LGI1: variants seen among roughly 807,000 people sequenced by gnomAD.
LGI1 encodes the protein leucine rich glioma inactivated 1.
LGI1 carries 11 observed loss-of-function variants against 57.7 expected under a neutral mutation model. That is an observed-to-expected ratio of 0.19 (90% CI 0.12 to 0.32). The LOEUF is 0.32. Ranked by LOEUF, LGI1 falls within the 10% of genes least tolerant of loss-of-function variation. LGI1 has a pLI of 1.00. For missense variants in LGI1, 422 were observed against 661.9 expected, an observed-to-expected ratio of 0.64 and a Z score of 3.98; for synonymous variants, 222 against 241.9, an observed-to-expected ratio of 0.92 and a Z score of 0.76.
chr10:93,770,212 G>A (rs1288733212), intron 2 of LGI1: 2 of 152,160 alleles, frequency 1.3e-5, no homozygotes, highest in Admixed American at 6.5e-5. Context: ...TAGTCTCCTC[G>A]CTTTACAACA....
rs116649635 is a variant in LGI1, at chr10:93,766,196, G to A, written c.287+7365G>A. 4.7e-3 allele frequency among the ~76,000 whole-genome samples: 723 copies of A among 152,234 alleles called. 7 individuals are homozygous for A. Among genetic ancestry groups the A allele is most frequent in the African/African-American group, 0.016 (674 of 41,520 alleles). On this transcript the variant is annotated intron_variant, in intron 2 of 7. Coordinates refer to ENST00000371418, the MANE Select transcript of LGI1 (RefSeq NM_005097.4). Reference sequence around the variant, plus strand: ...AATGATGTTTCAGTATCCCTCTCATGGAGCAAGGATTGGAAAAAAATTGTT... The same window carrying A: ...AATGATGTTTCAGTATCCCTCTCATAGAGCAAGGATTGGAAAAAAATTGTT...
chr10:93,775,797 G>C (rs1011116220), intron 2 of LGI1, among the ~76,000 whole-genome samples: 2 of 152,204 alleles, frequency 1.3e-5, no homozygotes, highest in Non-Finnish European at 2.9e-5. Context: ...AATATGAGAA[G>C]TCCCTGGTCC....
At chr10:93,769,140 A>C (rs558441911) in intron 2 of LGI1, 1 of 152,354 alleles carries the variant, frequency 6.6e-6, no homozygotes, top group Non-Finnish European at 1.5e-5. Context: ...ATTATCATTT[A>C]ACCAGCCCTA....
chr10:93,794,019 C>CTTTTTTTTTTTTTTTTTTTTTTTTTT (rs5787082), intron 7 of LGI1: 2 of 87,814 alleles, frequency 2.3e-5, no homozygotes, highest in Non-Finnish European at 4.6e-5. Context: ...CTTTTTTTTT[C>CTTTTTTTTTTTTTTTTTTTTTTTTTT]TTTTTTTTTT....
Position 93,765,429 on chromosome 10 carries a change from C to G in LGI1, c.287+6598C>G, listed in dbSNP as rs193101203. ...AGAAGACATGTCTTACCTAAAAATC[C>G]TCTGCTCCAACTGACTATTGCTGAT... On this transcript the variant is annotated intron_variant, in intron 2 of 7. Coordinates refer to ENST00000371418, the MANE Select transcript of LGI1 (RefSeq NM_005097.4). The G allele has an allele frequency of 3.9e-5, 6 of 152,282 alleles. No homozygotes were observed. In the East Asian group the frequency reaches 1.2e-3, roughly 29 times the overall value. The allele number at this position is 152,282 out of a possible 1,614,324, so 9.4% of individuals were successfully genotyped here.
At chr10:93,790,960 TA>T (rs2059933159) in intron 5 of LGI1, 1 of 152,218 alleles carries the variant, frequency 6.6e-6, no homozygotes, top group Non-Finnish European at 1.5e-5. Context: ...AAAGCTTTTT[TA>T]AAAAATTATT....
intron 4 of LGI1, among the ~76,000 whole-genome samples, chr10:93,779,425 C>G (rs1318431684): frequency 1.4e-5 from 1 of 71,076 alleles, no homozygotes; most frequent in East Asian, 4.6e-4. Flanking sequence ...AGGGAGGGAG[C>G]GAGGGAGGGA....
At chr10:93,761,391 C>G (rs574742762) in intron 2 of LGI1, among the ~76,000 whole-genome samples, 1 of 152,286 alleles carries the variant, frequency 6.6e-6, no homozygotes, top group African/African-American at 2.4e-5. Flanking sequence ...AGAATCAATT[C>G]GGCTTGATTG....
At chr10:93,774,994 C>T (rs1021172990) in intron 2 of LGI1, among the ~76,000 whole-genome samples, 11 of 152,146 alleles carry the variant, frequency 7.2e-5, no homozygotes, top group Admixed American at 4.6e-4. Context: ...ATAGAAACTA[C>T]AATTGAATTT....
At chr10:93,789,862 A>G in intron 4 of LGI1, 1 of 494,186 alleles carries the variant, frequency 2.0e-6, no homozygotes, top group South Asian at 2.8e-5. Context: ...ACAGAGCGAG[A>G]CTTTTGTCTC....
chr10:93,796,602 C>T (rs1365308636), intron 7 of LGI1, among the ~76,000 whole-genome samples: 3 of 152,190 alleles, frequency 2.0e-5, no homozygotes, highest in Non-Finnish European at 2.9e-5. Context: ...ATAATAGATG[C>T]TCAGTAAACA....
intron 7 of LGI1, chr10:93,794,553 T>A (rs2059964796): frequency 6.6e-6 from 1 of 151,862 alleles, no homozygotes; most frequent in African/African-American, 2.4e-5. Flanking sequence ...TTAGTAGAGA[T>A]GGGGTTTCAC....
At chr10:93,793,684 G>A (rs961648156) in intron 7 of LGI1, among the ~76,000 whole-genome samples, 3 of 152,130 alleles carry the variant, frequency 2.0e-5, no homozygotes, top group Admixed American at 6.5e-5. Context: ...TCTAGTCCAG[G>A]TTCTGCCACA....
At chr10:93,795,603 C>T (rs547708134) in intron 7 of LGI1, among the ~76,000 whole-genome samples, 3 of 152,248 alleles carry the variant, frequency 2.0e-5, no homozygotes, top group African/African-American at 4.8e-5. Context: ...AATATATGCC[C>T]CATACTCAGT....
In LGI1 at chr10:93,793,353, A is replaced by T. The variant is rs781205119; in HGVS notation, c.838+3A>T. ...CCGGAATTATGACAACATTACAGGT[A>T]TGAAAAGCCTAATGATATTTTGAGT... On this transcript the variant is annotated splice_donor_region_variant and intron_variant, in intron 7 of 7. Transcript: ENST00000371418. 1.9e-6 allele frequency: 3 copies of T among 1,613,046 alleles called. No individual in the cohort carries two copies. The highest frequency in any genetic ancestry group is 2.5e-6 in the Non-Finnish European group (3 of 1,179,052).
chr10:93,790,426 C>T (rs1369547832), intron 5 of LGI1: 10 of 456,570 alleles, frequency 2.2e-5, no homozygotes, highest in East Asian at 3.8e-5. Context: ...CGGCAGGGAG[C>T]GATGATAAAG....
intron 4 of LGI1, among the ~76,000 whole-genome samples, chr10:93,783,485 G>T (rs771025856): frequency 6.6e-6 from 1 of 152,194 alleles, no homozygotes; most frequent in Admixed American, 6.5e-5. Flanking sequence ...GAGCCTCCAC[G>T]TTGCCTTGGG....
At position 93,797,218 on chromosome 10, in the gene LGI1, C is replaced by T. The variant is rs556860804; in HGVS notation, c.1089C>T (p.Asn363=). The T allele has an allele frequency of 3.7e-6, 6 of 1,614,138 alleles. No individual in the cohort carries two copies. The highest frequency in any genetic ancestry group is 2.2e-5 in the East Asian group (1 of 44,888). The change falls in exon 8 of 8, where the codon AAC becomes AAT. Residue 363 remains asparagine, a synonymous_variant. Transcript: ENST00000371418. The surrounding 1 kb of genome is among the most constrained non-coding windows in gnomAD (Gnocchi z 6.5). ...GTTTTACTACCATTTACAAATGGAA[C>T]GGAAACGGATTCTACTCCCATCAAT... ...KAGFTTIYKW[N]GNGFYSHQSL...
intron 4 of LGI1, among the ~76,000 whole-genome samples, 190 bp downstream of exon 4, chr10:93,777,807 A>T (rs574101769): frequency 1.3e-5 from 2 of 152,352 alleles, no homozygotes; most frequent in Admixed American, 1.3e-4. Context: ...ATTACTATTA[A>T]TATTTTTATC....
Sources: allele counts gnomAD v4.1 joint callset (sites outside exome capture counted in the v4.1 genomes callset), GRCh38; gene constraint gnomAD v4.1.1; non-coding constraint Gnocchi (gnomAD v3.1); transcripts MANE v1.5; gene names NCBI Gene and HGNC (gene_info 2026-07-23, HGNC 2026-07-21).